The following KLHL30 variants were observed in gnomAD, a reference collection of about 807,000 sequenced individuals.
The protein encoded by KLHL30 is kelch like family member 30.
KLHL30 carries 55 observed loss-of-function variants against 55.0 expected under a neutral mutation model. The observed-to-expected ratio is 1.00, with a 90% CI of 0.80 to 1.25. KLHL30 has a LOEUF of 1.25. Among genes scored for constraint, KLHL30 ranks in the 50% most tolerant of loss-of-function variants. KLHL30 has a pLI of 0.00. For synonymous variants in KLHL30, 356 were observed against 372.6 expected, an observed-to-expected ratio of 0.96 and a Z score of 0.51; for missense variants, 786 against 811.6, an observed-to-expected ratio of 0.97 and a Z score of 0.38.
At chr2:238,149,359 G>A (rs1231348617) in intron 7 of KLHL30, among the ~76,000 whole-genome samples, 1 of 151,744 alleles carries the variant, frequency 6.6e-6, no homozygotes, top group Non-Finnish European at 1.5e-5. Flanking sequence ...AGAGGGTGGC[G>A]CAGGCTGGGG....
intron 1 of KLHL30, among the ~76,000 whole-genome samples, chr2:238,139,896 A>G (rs941453429): frequency 6.6e-6 from 1 of 152,208 alleles, no homozygotes; most frequent in Admixed American, 6.5e-5. Flanking sequence ...ACATGCACAT[A>G]ATTACATGAG....
At position 238,148,012 on chromosome 2, in the gene KLHL30, C is replaced by T. The variant is rs764252354; in HGVS notation, c.1329C>T (p.Asn443=). Residue 443 remains asparagine, a synonymous_variant, in exon 6 of 8, where the codon AAC becomes AAT. Transcript: ENST00000409223. ...KYNALALQCY[N]PVTDAWSVIA... ...ACGCCCTGGCCCTGCAGTGCTACAA[C>T]CCTGTCACAGGTGGGTGGGGCTCAG... is the stretch of plus-strand genomic sequence containing the variant. 1.4e-5 allele frequency: 20 copies of T among 1,459,244 alleles called. No individual in the cohort carries two copies. Among genetic ancestry groups the T allele is most frequent in the Non-Finnish European group, 1.7e-5 (19 of 1,097,022 alleles). The allele number at this position is 1,459,244 out of a possible 1,614,324, so 90.4% of individuals were successfully genotyped here.
intron 4 of KLHL30, among the ~76,000 whole-genome samples, 200 bp downstream of exon 4, chr2:238,145,188 G>A (rs913356032): frequency 1.3e-5 from 2 of 152,236 alleles, no homozygotes; most frequent in Non-Finnish European, 2.9e-5. Flanking sequence ...GCTAGTGTGG[G>A]CCCACCCCTG....
intron 3 of KLHL30, among the ~76,000 whole-genome samples, chr2:238,144,641 C>T (rs1188549061): frequency 6.7e-6 from 1 of 150,062 alleles, no homozygotes; most frequent in South Asian, 2.1e-4. Flanking sequence ...CCTCCAAAAC[C>T]TTGCTGCTTC....
chr2:238,142,168 C>T lies in KLHL30; in HGVS notation c.775-631C>T, dbSNP rs753862. 7.1e-3 allele frequency among the ~76,000 whole-genome samples: 1,088 copies of T among 152,282 alleles called. 15 individuals carry two copies. Among genetic ancestry groups the T allele is most frequent in the Admixed American group, 0.024 (363 of 15,294 alleles). On this transcript the variant is annotated intron_variant, in intron 2 of 7. Coordinates refer to ENST00000409223, the MANE Select transcript of KLHL30 (RefSeq NM_198582.4). ...GGCACCCTGCTCAGGGGCCTTGCTT[C>T]GGGGCACTCCTTTAGAGCCAAGTCC... is the stretch of plus-strand genomic sequence containing the variant.
intron 5 of KLHL30, 70 bp downstream of exon 5, chr2:238,145,902 G>A (rs568408973): frequency 3.8e-5 from 56 of 1,454,616 alleles, no homozygotes; most frequent in Admixed American, 3.6e-4. Context: ...AACAGGAACC[G>A]AGAGCCCCAT....
intron 3 of KLHL30, 25 bp from the exon 4 acceptor site, chr2:238,144,877 C>A (rs961204241): frequency 1.9e-6 from 3 of 1,575,414 alleles, no homozygotes; most frequent in Non-Finnish European, 2.6e-6. Flanking sequence ...GCAGCCTGAC[C>A]CTTCTGCCTC....
At chr2:238,145,551 C>T (rs1474975787) in intron 4 of KLHL30, 126 bp from the exon 5 acceptor site, 3 of 1,126,878 alleles carry the variant, frequency 2.7e-6, no homozygotes, top group African/African-American at 1.5e-5. Context: ...CTGGTCCCAC[C>T]TCTGGCTCAC....
At chr2:238,145,035 A>T (rs773479013) in intron 4 of KLHL30, 47 bp downstream of exon 4, 1 of 1,497,962 alleles carries the variant, frequency 6.7e-7, no homozygotes, top group Non-Finnish European at 9.1e-7. Flanking sequence ...CCAGCCAAGC[A>T]CTGGGCTCAG....
intron 1 of KLHL30, among the ~76,000 whole-genome samples, chr2:238,139,417 T>C (rs1247458073): frequency 4.6e-5 from 7 of 152,156 alleles, no homozygotes; most frequent in Admixed American, 4.6e-4. Flanking sequence ...GCATGCAGTG[T>C]TGGGTGGGTA....
chr2:238,148,754 C>T lies in KLHL30; in HGVS notation c.1340-253C>T, dbSNP rs554325604. 2.0e-5 allele frequency among the ~76,000 whole-genome samples: 3 copies of T among 152,178 alleles called. No individual in the cohort carries two copies. The East Asian group carries it at 5.8e-4, about 29-fold the overall frequency. ...CAGGGAGAGTCCTGAGGGACCCCTG[C>T]ACCCTCCACAGGCCCCTCACCTATG... On this transcript the variant is annotated intron_variant, in intron 6 of 7. Transcript: ENST00000409223.
Position 238,141,256 on chromosome 2 carries a change from G to T in KLHL30, c.502G>T (p.Glu168Ter). The change falls in exon 2 of 8, where the codon GAG (glutamate) becomes TAG (stop). Residue 168 changes from glutamate to a stop codon, truncating the protein, a stop_gained. Transcript: ENST00000409223. LOFTEE classifies it high-confidence loss of function. ...LRENFEAVAR[E>*]DEFLQLPRER... is the part of the protein sequence containing the mutation. ...AGAGAACTTTGAGGCTGTGGCACGT[G>T]AGGACGAGTTCCTGCAGCTTCCCCG... 6.2e-7 allele frequency: 1 copy of T among 1,605,800 alleles called. No individual in the cohort carries two copies.
chr2:238,142,946 C>A lies in KLHL30; in HGVS notation c.907+15C>A, dbSNP rs770354142. The A allele has an allele frequency of 6.6e-7, 1 of 1,504,386 alleles. No individual in the cohort carries two copies. The highest frequency in any genetic ancestry group is 8.8e-7 in the Non-Finnish European group (1 of 1,140,156). 93.2% of individuals were successfully genotyped at this position (1,504,386 alleles called of 1,614,324 possible). On this transcript the variant is annotated intron_variant, in intron 3 of 7. Coordinates refer to ENST00000409223, the MANE Select transcript of KLHL30 (RefSeq NM_198582.4). ...CAGCAAGGCCAGTGAGTACCCCTCC[C>A]GCGTCCAGACCCACCTGCTGTCTCT...
In KLHL30 at chr2:238,147,817, C is replaced by T; in HGVS notation, c.1151-17C>T. The T allele has an allele frequency of 6.8e-7, 1 of 1,464,484 alleles. No homozygotes were observed. Among genetic ancestry groups the T allele is most frequent in the Non-Finnish European group, 9.1e-7 (1 of 1,100,516 alleles). 90.7% of individuals were successfully genotyped at this position (1,464,484 alleles called of 1,614,324 possible). On this transcript the variant is annotated splice_polypyrimidine_tract_variant and intron_variant, in intron 5 of 7. Transcript: ENST00000409223. The surrounding 1 kb of genome is among the most constrained non-coding windows in gnomAD (Gnocchi z 5.8). ...TCTCCTCCCCAGCCCTGAACTGCCC[C>T]CGCCCTCACCCCACAGGCACCACCC...
chr2:238,140,493 G>A (rs1184312295), intron 1 of KLHL30, among the ~76,000 whole-genome samples, 192 bp from the exon 2 acceptor site: 1 of 152,192 alleles, frequency 6.6e-6, no homozygotes, highest in African/African-American at 2.4e-5. Context: ...CTGCAAATGG[G>A]AATGACACCT....
chr2:238,139,424 G>T (rs1223761410), intron 1 of KLHL30, among the ~76,000 whole-genome samples: 2 of 152,196 alleles, frequency 1.3e-5, no homozygotes, highest in African/African-American at 4.8e-5. Context: ...GTGTTGGGTG[G>T]GTACTTCGTG....
At chr2:238,145,054 C>G in intron 4 of KLHL30, 66 bp downstream of exon 4, 1 of 1,297,494 alleles carries the variant, frequency 7.7e-7, no homozygotes, top group South Asian at 1.3e-5. Flanking sequence ...AGTGCAACTC[C>G]CCGCACTCCG....
In KLHL30 at chr2:238,149,187, C is replaced by T. The variant is rs775078865; in HGVS notation, c.1485+35C>T. The T allele has an allele frequency of 5.6e-6, 9 of 1,608,688 alleles. No homozygotes were observed. The South Asian group carries it at 7.7e-5, about 14-fold the overall frequency. On this transcript the variant is annotated intron_variant, in intron 7 of 7. Coordinates refer to ENST00000409223, the MANE Select transcript of KLHL30 (RefSeq NM_198582.4). ...CCCCTCCCCCAACATGTGTGAGCCC[C>T]TGCCCAGGACTCCTGACATCAGAGA...
At chr2:238,150,395 C>A (rs1284332625) in intron 7 of KLHL30, among the ~76,000 whole-genome samples, 1 of 152,204 alleles carries the variant, frequency 6.6e-6, no homozygotes, top group Non-Finnish European at 1.5e-5. Context: ...ATAGACTGAG[C>A]AGGGGGTGCA....
Sources: allele counts gnomAD v4.1 joint callset (sites outside exome capture counted in the v4.1 genomes callset), GRCh38; gene constraint gnomAD v4.1.1; non-coding constraint Gnocchi (gnomAD v3.1); transcripts MANE v1.5; gene names NCBI Gene and HGNC (gene_info 2026-07-23, HGNC 2026-07-21).